Variants in HSF2 observed in about 807,000 individuals in gnomAD.
The protein encoded by HSF2 is heat shock factor protein 2.
Under a neutral mutation model 65.0 loss-of-function variants are expected in HSF2, and 21 were observed. The ratio of observed to expected loss-of-function variants is 0.32; its 90% CI spans 0.23 to 0.47. HSF2 has a LOEUF of 0.47. HSF2 is among the 20% of genes least tolerant of loss of function. The pLI, the probability that HSF2 is intolerant of heterozygous loss-of-function variation, is 1.00. For synonymous variants in HSF2, 225 were observed against 219.1 expected (o/e 1.03, Z -0.24); for missense variants, 499 against 628.1 (o/e 0.79, Z 2.20).
rs571860447 is a variant in HSF2 at position 122,407,517 on chromosome 6, G to A, written c.94-4856G>A. On this transcript the variant is annotated intron_variant, in intron 1 of 12. Coordinates refer to ENST00000368455, the MANE Select transcript of HSF2 (RefSeq NM_004506.4). ...TTTATATTTTCTTGATTATTAATGAGTTCTAAAACCTTTTCACGTTCGTTG... is the reference window on the plus strand; with the variant it reads ...TTTATATTTTCTTGATTATTAATGAATTCTAAAACCTTTTCACGTTCGTTG... Among the ~76,000 whole-genome samples, 20 of 151,632 alleles carry A rather than the reference G, an allele frequency of 1.3e-4. No individual in the cohort carries two copies. In the East Asian group the frequency reaches 3.3e-3, roughly 25 times the overall value.
In HSF2 at chr6:122,422,773, G is replaced by A. The variant is rs767805539; in HGVS notation, c.886G>A (p.Ala296Thr). Residue 296 changes from alanine to threonine, a missense_variant, in exon 9 of 13, where the codon GCA (alanine) becomes ACA (threonine). Transcript: ENST00000368455. ...IVEDDNEDEYAPVIQSGEQNE... is the reference protein window; with the variant it reads ...IVEDDNEDEYTPVIQSGEQNE... ...TGAAGATGACAATGAAGATGAGTAT[G>A]CACCTGTCATTCAGAGTGGAGAGCA... is the stretch of plus-strand genomic sequence containing the variant. The A allele has an allele frequency of 1.9e-6, 3 of 1,613,220 alleles. No individual in the cohort carries two copies. The highest frequency in any genetic ancestry group is 2.5e-6 in the Non-Finnish European group (3 of 1,179,312).
intron 10 of HSF2, among the ~76,000 whole-genome samples, chr6:122,424,388 T>C (rs971332113): frequency 6.6e-6 from 1 of 152,080 alleles, no homozygotes; most frequent in African/African-American, 2.4e-5. Context: ...GTTTTCTCTC[T>C]TTATCCTGGA....
chr6:122,406,839 C>T (rs1773878511), intron 1 of HSF2, among the ~76,000 whole-genome samples: 1 of 152,086 alleles, frequency 6.6e-6, no homozygotes, highest in South Asian at 2.1e-4. Context: ...AGTCATATGG[C>T]CACACCTAAT....
At position 122,422,291 on chromosome 6, in the gene HSF2, C is replaced by G; in HGVS notation, c.823C>G (p.Pro275Ala). The stretch of plus-strand genomic sequence containing the variant: ...AACTAATGAGGATGTTATATCTGAT[C>G]CCTCCAAGTAAGGAGTTTGTGAGAT... ...PETNEDVISD[P>A]SNCSQYPDIV... Residue 275 changes from proline to alanine, a missense_variant, in exon 8 of 13, where the codon CCC (proline) becomes GCC (alanine). Transcript: ENST00000368455. The G allele has an allele frequency of 6.3e-7, 1 of 1,595,660 alleles. No homozygotes were observed. The highest frequency in any genetic ancestry group is 8.6e-7 in the Non-Finnish European group (1 of 1,165,150).
intron 4 of HSF2, among the ~76,000 whole-genome samples, chr6:122,414,728 C>T (rs761360663): frequency 6.6e-6 from 1 of 152,110 alleles, no homozygotes; most frequent in African/African-American, 2.4e-5. Context: ...CCGGTTCAAG[C>T]GATTCTTGTG....
At chr6:122,411,482 C>A (rs1773993400) in intron 1 of HSF2, among the ~76,000 whole-genome samples, 1 of 151,794 alleles carries the variant, frequency 6.6e-6, no homozygotes, top group African/African-American at 2.4e-5. Flanking sequence ...GCTTTTGTTG[C>A]CTGTACTTTT....
In HSF2 at chr6:122,416,650, T is replaced by G. The variant is rs142009613; in HGVS notation, c.531+354T>G. On this transcript the variant is annotated intron_variant, in intron 5 of 12. Coordinates refer to ENST00000368455, the MANE Select transcript of HSF2 (RefSeq NM_004506.4). ...AAAACATAGCCTTACTGGTTTTTTT[T>G]GTTGGTTTTTATTATAAAAGGCATA... is the stretch of plus-strand genomic sequence containing the variant. Among the ~76,000 whole-genome samples, 9 of 152,342 alleles carry G rather than the reference T, an allele frequency of 5.9e-5. No homozygotes were observed. The East Asian group carries it at 7.7e-4, about 13-fold the overall frequency.
intron 4 of HSF2, among the ~76,000 whole-genome samples, chr6:122,415,672 G>A (rs1377683728): frequency 6.6e-6 from 1 of 152,044 alleles, no homozygotes; most frequent in African/African-American, 2.4e-5. Context: ...TATGTCTTAA[G>A]TTTCTGTGTA....
intron 4 of HSF2, among the ~76,000 whole-genome samples, chr6:122,414,289 T>A (rs571211342): frequency 1.3e-5 from 2 of 152,326 alleles, no homozygotes; most frequent in South Asian, 2.1e-4. Context: ...CTCTTCTTAG[T>A]AAGTAGCTGG....
chr6:122,407,698 A>G (rs1773897277), intron 1 of HSF2, among the ~76,000 whole-genome samples: 1 of 151,910 alleles, frequency 6.6e-6, no homozygotes, highest in Non-Finnish European at 1.5e-5. Flanking sequence ...GTTGTCTAGC[A>G]CCTTTACTGA....
At chr6:122,407,434 T>G in intron 1 of HSF2, among the ~76,000 whole-genome samples, 1 of 152,218 alleles carries the variant, frequency 6.6e-6, no homozygotes, top group East Asian at 1.9e-4. Flanking sequence ...GTATTAGTTA[T>G]CGTTCTTACT....
chr6:122,415,289 A>G (rs939854725), intron 4 of HSF2, among the ~76,000 whole-genome samples: 8 of 152,208 alleles, frequency 5.3e-5, no homozygotes, highest in Non-Finnish European at 7.3e-5. Context: ...GATAGATCTT[A>G]AGATAGTTTT....
At chr6:122,399,583 C>G, upstream of HSF2, 1 of 598,984 alleles carries the variant, frequency 1.7e-6, no homozygotes, top group Non-Finnish European at 2.9e-6. Flanking sequence ...CCCGGCCTCT[C>G]GGCCTTGCCG....
At chr6:122,413,440 GA>G in intron 3 of HSF2, 84 bp from the exon 4 acceptor site, 1 of 1,022,222 alleles carries the variant, frequency 9.8e-7, no homozygotes, top group South Asian at 1.7e-5. Flanking sequence ...AACAGGCTAC[GA>G]AAACCTCTTC....
At chr6:122,400,457 T>C (rs1262612272) in intron 1 of HSF2, among the ~76,000 whole-genome samples, 1 of 152,238 alleles carries the variant, frequency 6.6e-6, no homozygotes, top group Non-Finnish European at 1.5e-5. Context: ...GTGCTATTTG[T>C]ATAATGGGAT....
intron 3 of HSF2, among the ~76,000 whole-genome samples, 190 bp downstream of exon 3, chr6:122,412,954 G>C (rs1280374206): frequency 6.6e-6 from 1 of 150,950 alleles, no homozygotes; most frequent in African/African-American, 2.4e-5. Context: ...AAAAGTTTAA[G>C]TTCCTGCTAG....
Position 122,431,477 on chromosome 6 carries a change from A to G in HSF2, c.1278A>G (p.Pro426=), listed in dbSNP as rs1562207459. Reference sequence around the variant, plus strand: ...CTACCAAGAACAATGTAGTTCAGCCAGTTTCGGAAGAGGGAAGAAAATCTA... The same window carrying G: ...CTACCAAGAACAATGTAGTTCAGCCGGTTTCGGAAGAGGGAAGAAAATCTA... ...LETTKNNVVQ[P]VSEEGRKSKS... is the part of the protein sequence containing the mutation. The change falls in exon 12 of 13, where the codon CCA becomes CCG. Residue 426 remains proline, a synonymous_variant. Transcript: ENST00000368455. The G allele has an allele frequency of 6.3e-7, 1 of 1,593,488 alleles. No homozygotes were observed. The highest frequency in any genetic ancestry group is 1.7e-5 in the Admixed American group (1 of 58,936).
At chr6:122,404,183 G>C (rs545859415) in intron 1 of HSF2, among the ~76,000 whole-genome samples, 32 of 152,198 alleles carry the variant, frequency 2.1e-4, no homozygotes, top group Non-Finnish European at 4.3e-4. Context: ...AAATAGGTAG[G>C]AGGGAGAGAG....
At chr6:122,422,624 GT>G in intron 8 of HSF2, 93 bp from the exon 9 acceptor site, 2 of 1,299,012 alleles carry the variant, frequency 1.5e-6, no homozygotes, top group South Asian at 2.6e-5. Flanking sequence ...TCAGTATGTG[GT>G]ATGGGGAGAG....
Sources: gnomAD v4.1 joint callset for allele counts (sites outside exome capture counted in the v4.1 genomes callset) on GRCh38, gnomAD v4.1.1 for gene constraint, MANE v1.5 for transcripts, NCBI Gene and HGNC (gene_info 2026-07-23, HGNC 2026-07-21) for gene names.